The following METTL15 variants were observed in gnomAD, a reference collection of about 807,000 sequenced individuals.
METTL15 encodes the protein methyltransferase 15, mitochondrial 12S rRNA N4-cytidine.
A neutral mutation model predicts 38.3 loss-of-function variants in METTL15; 34 were observed. The ratio of observed to expected loss-of-function variants is 0.89; its 90% CI spans 0.68 to 1.18. The LOEUF (loss-of-function observed/expected upper bound fraction) is 1.18. METTL15 is among the 50% of genes most tolerant of loss of function. The probability of loss-of-function intolerance (pLI) is 0.00; values close to 1 mark genes in which losing one functional copy is unlikely to be tolerated. For synonymous variants in METTL15, 162 were observed against 170.9 expected, an observed-to-expected ratio of 0.95 and a Z score of 0.41; for missense variants, 438 against 498.4, an observed-to-expected ratio of 0.88 and a Z score of 1.15.
At chr11:28,133,851 C>G (rs1331395670) in intron 3 of METTL15, among the ~76,000 whole-genome samples, 2 of 152,006 alleles carry the variant, frequency 1.3e-5, no homozygotes, top group African/African-American at 4.8e-5. Flanking sequence ...TCCATAGAAA[C>G]CATGAGATAA....
rs373840016 is a variant in METTL15 at position 28,171,773 on chromosome 11, CCTCT to C, written c.271-39274_271-39271del. 3.2e-3 allele frequency among the ~76,000 whole-genome samples: 466 copies of C among 147,924 alleles called. 3 individuals carry two copies. The highest frequency in any genetic ancestry group is 8.4e-3 in the African/African-American group (339 of 40,558). Reference sequence around the variant, plus strand: ...AAATCTTTGTTTCCCCTGCCCGCCGCCTCTCTCTCTCTCTCTCTTTTTTTTTTCT... The same window carrying C: ...AAATCTTTGTTTCCCCTGCCCGCCGCCTCTCTCTCTCTCTTTTTTTTTTCT... On this transcript the variant is annotated intron_variant, in intron 3 of 6. Transcript: ENST00000407364.
intron 4 of METTL15, among the ~76,000 whole-genome samples, chr11:28,283,653 A>G (rs1856141460): frequency 6.6e-6 from 1 of 152,298 alleles, no homozygotes; most frequent in African/African-American, 2.4e-5. Flanking sequence ...ACTTGCCAGT[A>G]TCAGGATTAA....
rs138441066 is a variant in METTL15 at position 28,496,854 on chromosome 11, T to A, written c.*425-29624T>A. On this transcript the variant is annotated intron_variant and NMD_transcript_variant, in intron 6 of 7. Transcript: ENST00000532947. ...CTTTCCAAAATATCAGGCTGCATCA[T>A]TAAAACTGCAAAACCTTTTCCAGTC... Among the ~76,000 whole-genome samples the A allele has an allele frequency of 1.4e-3, 210 of 152,352 alleles. 3 individuals are homozygous for A. The highest frequency in any genetic ancestry group is 8.7e-4 in the Non-Finnish European group (59 of 68,034).
chr11:28,264,335 T>C (rs1855326241), intron 4 of METTL15, among the ~76,000 whole-genome samples: 1 of 152,130 alleles, frequency 6.6e-6, no homozygotes, highest in South Asian at 2.1e-4. Flanking sequence ...ATTTCCCCTA[T>C]TGATTATGAG....
chr11:28,437,370 CT>C (rs1273495696), intron 6 of METTL15, among the ~76,000 whole-genome samples: 1 of 152,148 alleles, frequency 6.6e-6, no homozygotes, highest in African/African-American at 2.4e-5. Flanking sequence ...ATATTAGGTG[CT>C]TAATAGATAT....
At chr11:28,141,449 G>A (rs1396968806) in intron 3 of METTL15, among the ~76,000 whole-genome samples, 2 of 152,086 alleles carry the variant, frequency 1.3e-5, no homozygotes, top group Non-Finnish European at 2.9e-5. Context: ...GACAAAATCA[G>A]AGGCAGGAGG....
intron 6 of METTL15, among the ~76,000 whole-genome samples, chr11:28,320,494 G>A (rs1046221218): frequency 1.3e-5 from 2 of 152,006 alleles, no homozygotes; most frequent in Admixed American, 1.3e-4. Context: ...CAGGGTTCAA[G>A]GCTGCAGTGT....
At chr11:28,463,730 T>A (rs1409016272) in intron 6 of METTL15, among the ~76,000 whole-genome samples, 1 of 151,864 alleles carries the variant, frequency 6.6e-6, no homozygotes, top group Non-Finnish European at 1.5e-5. Flanking sequence ...AGATGATTTC[T>A]TATGCAAAGA....
intron 3 of METTL15, among the ~76,000 whole-genome samples, chr11:28,194,122 A>ATCTTTCTTTCTTTCCTTCTTTCTT (rs1851802113): frequency 1.0e-5 from 1 of 99,078 alleles, no homozygotes; most frequent in Non-Finnish European, 2.0e-5. Flanking sequence ...TTGATGGTTG[A>ATCTTTCTTTCTTTCCTTCTTTCTT]TCTTTCTTTC....
At chr11:28,322,927 A>G (rs1457422346) in intron 6 of METTL15, among the ~76,000 whole-genome samples, 4 of 152,194 alleles carry the variant, frequency 2.6e-5, no homozygotes, top group African/African-American at 9.6e-5. Flanking sequence ...TAAATGGACA[A>G]ACAAAATGAA....
At chr11:28,128,626 A>T (rs547410982) in intron 3 of METTL15, among the ~76,000 whole-genome samples, 1 of 152,018 alleles carries the variant, frequency 6.6e-6, no homozygotes, top group Non-Finnish European at 1.5e-5. Context: ...TTATTTTGCA[A>T]TGTTTTGCGT....
intron 6 of METTL15, among the ~76,000 whole-genome samples, chr11:28,506,657 C>T (rs1851629507): frequency 6.6e-6 from 1 of 151,582 alleles, no homozygotes; most frequent in African/African-American, 2.4e-5. Flanking sequence ...GTAACTGTGG[C>T]CTGTATCCCT....
At chr11:28,403,141 G>A (rs1271944680) in intron 5 of METTL15, among the ~76,000 whole-genome samples, 1 of 151,934 alleles carries the variant, frequency 6.6e-6, no homozygotes, top group Non-Finnish European at 1.5e-5. Flanking sequence ...GATGTATGGG[G>A]GGTTTTCCTG....
At chr11:28,421,472 C>A (rs2133421475) in intron 5 of METTL15, among the ~76,000 whole-genome samples, 1 of 152,122 alleles carries the variant, frequency 6.6e-6, no homozygotes, top group Non-Finnish European at 1.5e-5. Context: ...AGTATACAAG[C>A]AAACTGAATT....
intron 4 of METTL15, chr11:28,287,340 G>C (rs1478592369): frequency 3.8e-6 from 1 of 263,024 alleles, no homozygotes; most frequent in East Asian, 1.1e-4. Context: ...AAACTGGCAG[G>C]ATGGAAACAG....
In METTL15 at chr11:28,324,149, C is replaced by A. The variant is rs537214830; in HGVS notation, c.779-6247C>A. 4.6e-5 allele frequency among the ~76,000 whole-genome samples: 7 copies of A among 152,228 alleles called. 1 individual carries two copies. Among genetic ancestry groups the A allele is most frequent in the African/African-American group, 1.7e-4 (7 of 41,522 alleles). The stretch of plus-strand genomic sequence containing the variant: ...TCTATTTTAAAGTATAAGGAAGAAA[C>A]AGTTCTGCTATTTTGAAGAATTGAG... On this transcript the variant is annotated intron_variant, in intron 6 of 6. Coordinates refer to ENST00000407364, the MANE Select transcript of METTL15 (RefSeq NM_001113528.2).
At chr11:28,434,074 C>G (rs749656037) in intron 6 of METTL15, among the ~76,000 whole-genome samples, 17 of 152,154 alleles carry the variant, frequency 1.1e-4, no homozygotes, top group Non-Finnish European at 2.1e-4. Context: ...TTCCATAATC[C>G]CCACATGTCG....
intron 3 of METTL15, chr11:28,122,057 A>T (rs145460348): frequency 1.6e-4 from 130 of 802,736 alleles, no homozygotes; most frequent in Non-Finnish European, 2.1e-4. Flanking sequence ...TTTAGTTAAT[A>T]AAAGTTATAG....
intron 5 of METTL15, among the ~76,000 whole-genome samples, chr11:28,368,923 G>A (rs552435536): frequency 6.6e-6 from 1 of 152,022 alleles, no homozygotes; most frequent in South Asian, 2.1e-4. Flanking sequence ...AACACCATAT[G>A]TTCTCACTCA....
Sources: allele counts gnomAD v4.1 joint callset (sites outside exome capture counted in the v4.1 genomes callset), GRCh38; gene constraint gnomAD v4.1.1; transcripts MANE v1.5; gene names NCBI Gene and HGNC (gene_info 2026-07-23, HGNC 2026-07-21).